EYS: variants seen among roughly 807,000 people sequenced by gnomAD.
EYS encodes the protein protein eyes shut homolog.
Under a neutral mutation model 282.1 loss-of-function variants are expected in EYS, and 250 were observed. The ratio of observed to expected loss-of-function variants is 0.89; its 90% CI spans 0.80 to 0.98. EYS has a LOEUF of 0.98. Ranked by LOEUF, EYS falls within the 50% of genes least tolerant of loss-of-function variation. The pLI is 0.00. For synonymous variants in EYS, 1,355 were observed against 1,282.9 expected (o/e 1.06, Z -1.20); for missense variants, 4,016 against 3,709.0 (o/e 1.08, Z -2.15).
chr6:63,903,091 T>C (rs540529393), intron 35 of EYS, among the ~76,000 whole-genome samples: 31 of 152,152 alleles, frequency 2.0e-4, no homozygotes, highest in South Asian at 6.2e-4. Flanking sequence ...GCGCAACCAG[T>C]TGTCACAGTC....
intron 1 of EYS, among the ~76,000 whole-genome samples, chr6:65,660,891 G>A (rs1767981943): frequency 6.6e-6 from 1 of 151,702 alleles, no homozygotes; most frequent in African/African-American, 2.4e-5. Flanking sequence ...CTGCTTTTAT[G>A]TAATTGCTTT....
At chr6:65,024,390 A>T (rs939065588) in intron 13 of EYS, among the ~76,000 whole-genome samples, 1 of 152,198 alleles carries the variant, frequency 6.6e-6, no homozygotes, top group Non-Finnish European at 1.5e-5. Flanking sequence ...TATTGTAGTC[A>T]TTCCCATTCT....
chr6:64,749,395 T>C (rs1772668423), intron 22 of EYS, among the ~76,000 whole-genome samples: 1 of 152,176 alleles, frequency 6.6e-6, no homozygotes, highest in South Asian at 2.1e-4. Context: ...ACATGGACTT[T>C]AGAACTACTT....
chr6:65,548,490 G>A (rs1046675301), intron 2 of EYS, among the ~76,000 whole-genome samples: 4 of 152,144 alleles, frequency 2.6e-5, no homozygotes, highest in Admixed American at 1.3e-4. Context: ...CTCTTGAAAA[G>A]TAAATGTACA....
intron 36 of EYS, among the ~76,000 whole-genome samples, chr6:63,863,675 C>CTTTTTTTTTTTTTT (rs1284326554): frequency 3.3e-5 from 2 of 60,042 alleles, no homozygotes; most frequent in African/African-American, 5.7e-5. Context: ...TTTCTTTTTT[C>CTTTTTTTTTTTTTT]TTTTTTTTTT....
intron 29 of EYS, among the ~76,000 whole-genome samples, chr6:64,352,690 C>T (rs1771683180): frequency 6.6e-6 from 1 of 151,538 alleles, no homozygotes; most frequent in Admixed American, 6.6e-5. Context: ...ATGAATTCAA[C>T]ACTAACATAC....
At chr6:63,762,060 T>C (rs1769656539) in intron 41 of EYS, among the ~76,000 whole-genome samples, 2 of 152,024 alleles carry the variant, frequency 1.3e-5, no homozygotes. Context: ...AATTTCCCTC[T>C]GAAGCTGATG....
chr6:63,737,585 G>C (rs1297942246), intron 41 of EYS, among the ~76,000 whole-genome samples: 2 of 151,648 alleles, frequency 1.3e-5, no homozygotes, highest in African/African-American at 4.8e-5. Context: ...TTTGGTATCA[G>C]GATGATGCTG....
intron 33 of EYS, among the ~76,000 whole-genome samples, chr6:64,040,269 T>C (rs892441468): frequency 6.6e-6 from 1 of 152,204 alleles, no homozygotes; most frequent in African/African-American, 2.4e-5. Context: ...AATGTGGTGA[T>C]ATATGGAAGA....
chr6:64,513,031 G>A (rs1049953639), intron 26 of EYS, among the ~76,000 whole-genome samples: 1 of 151,390 alleles, frequency 6.6e-6, no homozygotes, highest in African/African-American at 2.4e-5. Flanking sequence ...AGAAACTTAA[G>A]TAGGATTGAC....
At position 65,694,282 on chromosome 6, in the gene EYS, T is replaced by A. The variant is rs1486755275; in HGVS notation, c.-448+12853A>T. Among the ~76,000 whole-genome samples, 70 of 135,196 alleles carry A rather than the reference T, an allele frequency of 5.2e-4. 1 individual carries two copies. The highest frequency in any genetic ancestry group is 3.8e-3 in the Middle Eastern group (1 of 262). 88.7% of individuals were successfully genotyped at this position (135,196 alleles called of 152,430 possible). On this transcript the variant is annotated intron_variant, in intron 1 of 42. Coordinates refer to ENST00000503581, the MANE Select transcript of EYS (RefSeq NM_001142800.2). Reference sequence around the variant, plus strand: ...TCAAAAAAAATAAAAAATAAAAAAATATATATATATGTATAATAAAACATA... The same window carrying A: ...TCAAAAAAAATAAAAAATAAAAAAAAATATATATATGTATAATAAAACATA...
intron 22 of EYS, among the ~76,000 whole-genome samples, chr6:64,673,103 A>G (rs1769523308): frequency 6.6e-6 from 1 of 152,162 alleles, no homozygotes; most frequent in South Asian, 2.1e-4. Context: ...TTTATAATTC[A>G]AAAAGTTGGA....
intron 22 of EYS, among the ~76,000 whole-genome samples, chr6:64,787,239 G>A (rs576744742): frequency 1.9e-4 from 29 of 152,082 alleles, no homozygotes; most frequent in Non-Finnish European, 3.8e-4. Flanking sequence ...TCAAAGAGTA[G>A]TTTTATCACT....
intron 12 of EYS, among the ~76,000 whole-genome samples, chr6:65,149,823 G>C (rs1400365734): frequency 6.6e-6 from 1 of 152,056 alleles, no homozygotes; most frequent in Non-Finnish European, 1.5e-5. Flanking sequence ...TTCTCACACT[G>C]CTATGAAGAA....
intron 1 of EYS, among the ~76,000 whole-genome samples, chr6:65,666,628 G>T (rs1421892454): frequency 6.6e-6 from 1 of 151,652 alleles, no homozygotes; most frequent in African/African-American, 2.4e-5. Flanking sequence ...GTGTTCTACA[G>T]ATATTGATTA....
chr6:64,800,972 T>A (rs967884227), intron 22 of EYS, among the ~76,000 whole-genome samples: 16 of 152,050 alleles, frequency 1.1e-4, no homozygotes, highest in Non-Finnish European at 2.2e-4. Context: ...GTGTTCAAAA[T>A]TACTATTTTT....
At chr6:64,760,448 G>A (rs922652388) in intron 22 of EYS, among the ~76,000 whole-genome samples, 6 of 152,028 alleles carry the variant, frequency 3.9e-5, no homozygotes, top group African/African-American at 1.2e-4. Flanking sequence ...CTGATGTAAC[G>A]CTGCCATAGA....
chr6:64,843,339 TTGC>T (rs1765622107), intron 19 of EYS, among the ~76,000 whole-genome samples: 1 of 152,218 alleles, frequency 6.6e-6, no homozygotes, highest in Admixed American at 6.5e-5. Context: ...CACTGACAGC[TTGC>T]ACAGTAGACC....
intron 22 of EYS, among the ~76,000 whole-genome samples, chr6:64,802,796 A>C (rs1215101850): frequency 1.3e-5 from 2 of 152,224 alleles, no homozygotes; most frequent in African/African-American, 4.8e-5. Flanking sequence ...TTTATGTATC[A>C]TCTATCTATG....
Sources: gnomAD v4.1 joint callset for allele counts (sites outside exome capture counted in the v4.1 genomes callset) on GRCh38, gnomAD v4.1.1 for gene constraint, MANE v1.5 for transcripts, NCBI Gene and HGNC (gene_info 2026-07-23, HGNC 2026-07-21) for gene names.